Variants in TPX2 observed in about 807,000 individuals in gnomAD.
TPX2 encodes the protein TPX2 microtubule nucleation factor, also known as targeting protein for Xklp2.
A neutral mutation model predicts 93.6 loss-of-function variants in TPX2; 21 were observed. The ratio of observed to expected loss-of-function variants is 0.22; its 90% CI spans 0.16 to 0.32. TPX2 has a LOEUF of 0.32. Among genes scored for constraint, TPX2 ranks in the 10% least tolerant of loss-of-function variants. TPX2 has a pLI of 1.00. For missense variants in TPX2, 776 were observed against 871.1 expected, an observed-to-expected ratio of 0.89 and a Z score of 1.37; for synonymous variants, 281 against 298.3, an observed-to-expected ratio of 0.94 and a Z score of 0.60.
chr20:31,778,170 C>T (rs940348599), intron 9 of TPX2, among the ~76,000 whole-genome samples: 9 of 152,128 alleles, frequency 5.9e-5, no homozygotes, highest in African/African-American at 2.2e-4. Flanking sequence ...CAGTAATAAT[C>T]GTTAAGTAAA....
chr20:31,740,443 C>T (rs949053831), intron 1 of TPX2, among the ~76,000 whole-genome samples: 4 of 152,172 alleles, frequency 2.6e-5, no homozygotes, highest in Non-Finnish European at 5.9e-5. Context: ...ATCACCCCCA[C>T]GTCAGACTTG....
intron 3 of TPX2, among the ~76,000 whole-genome samples, chr20:31,757,871 C>T (rs558292721): frequency 6.6e-6 from 1 of 152,268 alleles, no homozygotes; most frequent in African/African-American, 2.4e-5. Context: ...ACTCCATGCT[C>T]AAATATGTCT....
At chr20:31,749,328 G>A (rs2061804182) in intron 2 of TPX2, among the ~76,000 whole-genome samples, 1 of 152,182 alleles carries the variant, frequency 6.6e-6, no homozygotes, top group African/African-American at 2.4e-5. Flanking sequence ...TGGCTTTACT[G>A]CTTCTTAGCT....
intron 12 of TPX2, among the ~76,000 whole-genome samples, chr20:31,785,052 T>C (rs2062057010): frequency 6.6e-6 from 1 of 152,202 alleles, no homozygotes. Context: ...TTTATTGTAT[T>C]TTCTTAGCAC....
intron 10 of TPX2, among the ~76,000 whole-genome samples, chr20:31,779,591 A>G (rs978185009): frequency 5.3e-5 from 8 of 152,226 alleles, no homozygotes; most frequent in South Asian, 4.1e-4. Context: ...AGGTCACTAC[A>G]AATTATGGCA....
At chr20:31,785,878 C>T (rs928484490) in intron 12 of TPX2, among the ~76,000 whole-genome samples, 4 of 152,156 alleles carry the variant, frequency 2.6e-5, no homozygotes, top group South Asian at 2.1e-4. Flanking sequence ...GTACCACTCT[C>T]TCAATTTGTC....
At chr20:31,783,337 G>A (rs940533299) in intron 11 of TPX2, among the ~76,000 whole-genome samples, 14 of 151,792 alleles carry the variant, frequency 9.2e-5, no homozygotes, top group African/African-American at 2.9e-4. Flanking sequence ...TGCAACCTCC[G>A]CCTCCTGGGT....
At position 31,739,582 on chromosome 20, in the gene TPX2, G is replaced by A. The variant is rs940161228; in HGVS notation, c.-217G>A. 4.6e-5 allele frequency: 7 copies of A among 152,202 alleles called. No homozygotes were observed. Among genetic ancestry groups the A allele is most frequent in the African/African-American group, 1.7e-4 (7 of 41,452 alleles). 9.4% of individuals were successfully genotyped at this position (152,202 alleles called of 1,614,324 possible). A position where few individuals can be genotyped will look rare whatever the true frequency, so the allele number is the denominator to read the frequency against. On this transcript the variant is annotated 5_prime_UTR_variant, in exon 1 of 18. Coordinates refer to ENST00000300403, the MANE Select transcript of TPX2 (RefSeq NM_012112.5). ...TGCTGTGAAGTCCGTCCGGGAAACG[G>A]AGGAAAAAAAGAGTTGCGGGAGGCT...
chr20:31,799,736 C>T (rs918592951), intron 17 of TPX2, among the ~76,000 whole-genome samples: 2 of 151,406 alleles, frequency 1.3e-5, no homozygotes, highest in African/African-American at 2.4e-5. Flanking sequence ...TCTGTCTCTA[C>T]TAAAAATACA....
intron 2 of TPX2, among the ~76,000 whole-genome samples, chr20:31,750,392 G>A (rs951089339): frequency 3.9e-5 from 6 of 152,044 alleles, no homozygotes; most frequent in East Asian, 1.9e-4. Context: ...GACCTCAGGC[G>A]ATCCGCCCGC....
chr20:31,789,777 A>T (rs1326718314), intron 12 of TPX2, among the ~76,000 whole-genome samples: 1 of 152,040 alleles, frequency 6.6e-6, no homozygotes. Context: ...TCCCCCAACT[A>T]ATTAAGAGAT....
At chr20:31,747,084 C>T (rs1012381540) in intron 2 of TPX2, among the ~76,000 whole-genome samples, 7 of 152,134 alleles carry the variant, frequency 4.6e-5, no homozygotes, top group Admixed American at 3.3e-4. Flanking sequence ...TGTTTGCATT[C>T]CCCCATTCAA....
At chr20:31,742,831 T>G (rs1056811041) in intron 2 of TPX2, among the ~76,000 whole-genome samples, 184 bp downstream of exon 2, 5 of 152,194 alleles carry the variant, frequency 3.3e-5, no homozygotes, top group African/African-American at 4.8e-5. Context: ...AGCCTTTTGA[T>G]AGATTTCTTT....
intron 3 of TPX2, 134 bp from the exon 4 acceptor site, chr20:31,759,923 T>C: frequency 4.1e-6 from 5 of 1,205,792 alleles, no homozygotes; most frequent in Middle Eastern, 2.0e-4. Flanking sequence ...TTTTGATTGC[T>C]AGAACTTTGC....
chr20:31,771,036 A>G (rs534819350), intron 6 of TPX2, among the ~76,000 whole-genome samples: 41 of 152,074 alleles, frequency 2.7e-4, no homozygotes, highest in African/African-American at 6.8e-4. Flanking sequence ...AGAGAAGAAG[A>G]AGAGTACAGT....
intron 7 of TPX2, among the ~76,000 whole-genome samples, chr20:31,773,634 T>C (rs938583317): frequency 2.6e-5 from 4 of 152,172 alleles, no homozygotes; most frequent in Admixed American, 6.5e-5. Flanking sequence ...TTTCTTATTA[T>C]CTCATCTGCA....
intron 15 of TPX2, among the ~76,000 whole-genome samples, chr20:31,795,978 A>G (rs1259802593): frequency 6.6e-6 from 1 of 152,184 alleles, no homozygotes; most frequent in Non-Finnish European, 1.5e-5. Flanking sequence ...AATGGCTTAC[A>G]TGACTGAACG....
intron 7 of TPX2, among the ~76,000 whole-genome samples, chr20:31,774,532 A>G (rs2061984189): frequency 6.6e-6 from 1 of 152,226 alleles, no homozygotes; most frequent in Non-Finnish European, 1.5e-5. Context: ...CTTCAGAGAC[A>G]TCATCTGATT....
intron 5 of TPX2, among the ~76,000 whole-genome samples, chr20:31,769,360 C>T (rs1691112187): frequency 1.4e-5 from 2 of 147,678 alleles, no homozygotes; most frequent in South Asian, 4.3e-4. Flanking sequence ...GCTCTGTTGC[C>T]TAGGCTGGAG....
Sources: gnomAD v4.1 joint callset for allele counts (sites outside exome capture counted in the v4.1 genomes callset) on GRCh38, gnomAD v4.1.1 for gene constraint, MANE v1.5 for transcripts, NCBI Gene and HGNC (gene_info 2026-07-23, HGNC 2026-07-21) for gene names.